The following TENM2 variants were observed in gnomAD, a reference collection of about 807,000 sequenced individuals.
TENM2 encodes the protein teneurin-2.
A neutral mutation model predicts 245.2 loss-of-function variants in TENM2; 52 were observed. The observed-to-expected ratio is 0.21, with a 90% confidence interval of 0.17 to 0.27. The LOEUF (loss-of-function observed/expected upper bound fraction) is 0.27. TENM2 is among the 10% of genes least tolerant of loss of function. The pLI, the probability that TENM2 is intolerant of heterozygous loss-of-function variation, is 1.00. For missense variants in TENM2, 3,046 were observed against 3,666.8 expected (o/e 0.83, Z 4.37); for synonymous variants, 1,363 against 1,438.9 (o/e 0.95, Z 1.19).
At chr5:167,539,235 CA>C (rs1772043424) in intron 2 of TENM2, among the ~76,000 whole-genome samples, 2 of 152,028 alleles carry the variant, frequency 1.3e-5, no homozygotes, top group Admixed American at 1.3e-4. Context: ...TATTTCAAAT[CA>C]AAATGTTACA....
chr5:167,242,094 G>GAGTGC, the TENM2 span, among the ~76,000 whole-genome samples: 3 of 143,918 alleles, frequency 2.1e-5, no homozygotes, highest in Non-Finnish European at 4.5e-5. Context: ...GCTCAGACTA[G>GAGTGC]AGTGCAGTGC....
At chr5:167,680,219 A>G (rs1004505225) in intron 2 of TENM2, among the ~76,000 whole-genome samples, 6 of 152,042 alleles carry the variant, frequency 3.9e-5, no homozygotes, top group African/African-American at 1.4e-4. Flanking sequence ...ATAAAAAATC[A>G]TGCCTGTCTT....
chr5:167,338,981 A>G (rs375088612), intron 1 of TENM2, among the ~76,000 whole-genome samples: 13 of 152,340 alleles, frequency 8.5e-5, no homozygotes, highest in Middle Eastern at 3.4e-3. Flanking sequence ...TCATTTGGGA[A>G]GATGAGGCTT....
Position 167,981,647 on chromosome 5 carries a change from A to G in TENM2, c.948-11297A>G, listed in dbSNP as rs553625789. 1.3e-5 allele frequency among the ~76,000 whole-genome samples: 2 copies of G among 152,286 alleles called. 1 individual carries two copies. Among genetic ancestry groups the G allele is most frequent in the Admixed American group, 1.3e-4 (2 of 15,308 alleles). On this transcript the variant is annotated intron_variant, in intron 4 of 28. Coordinates refer to ENST00000518659, the Ensembl canonical transcript of TENM2. ...CTCCTAAATGTGCTTTGCTAACTCA[A>G]AGAGATGGCATAGTTAGAACCCTTC...
the TENM2 span, among the ~76,000 whole-genome samples, chr5:167,133,706 G>A: frequency 2.5e-4 from 38 of 149,914 alleles, no homozygotes; most frequent in African/African-American, 9.1e-4. Context: ...CCTTTGTTTC[G>A]TAGGCTTGCC....
chr5:167,376,351 AATTACC>A (rs1760750198), intron 2 of TENM2, among the ~76,000 whole-genome samples: 1 of 152,214 alleles, frequency 6.6e-6, no homozygotes, highest in African/African-American at 2.4e-5. Flanking sequence ...TTGCTAAAAG[AATTACC>A]ATTACCATTA....
At chr5:168,248,183 T>A in exon 27 of TENM2, 1 of 1,614,012 alleles carries the variant, frequency 6.2e-7, no homozygotes, top group Non-Finnish European at 8.5e-7. Context: ...CATGGGGGAC[T>A]CTATGACCCC....
At chr5:168,253,617 G>A (rs1204566056) in intron 27 of TENM2, among the ~76,000 whole-genome samples, 3 of 151,652 alleles carry the variant, frequency 2.0e-5, no homozygotes, top group East Asian at 1.9e-4. Flanking sequence ...AGTAGAGACG[G>A]GGTTTCACCG....
intron 2 of TENM2, among the ~76,000 whole-genome samples, chr5:167,786,235 C>A: frequency 6.6e-6 from 1 of 152,146 alleles, no homozygotes; most frequent in East Asian, 1.9e-4. Flanking sequence ...AGACAGGATT[C>A]TCTCTCTCAC....
At chr5:168,181,754 G>A (rs1022483886) in intron 13 of TENM2, among the ~76,000 whole-genome samples, 4 of 134,982 alleles carry the variant, frequency 3.0e-5, no homozygotes, top group African/African-American at 8.5e-5. Flanking sequence ...TCAGCTCACT[G>A]CAACCTCCAC....
At chr5:167,081,335 G>A in the TENM2 span, among the ~76,000 whole-genome samples, 1 of 151,778 alleles carries the variant, frequency 6.6e-6, no homozygotes, top group Non-Finnish European at 1.5e-5. Flanking sequence ...AACCTTTCTC[G>A]TTTCATACCA....
the TENM2 span, among the ~76,000 whole-genome samples, chr5:167,243,042 A>G: frequency 8.1e-4 from 122 of 151,210 alleles, 1 homozygote; most frequent in South Asian, 0.02. Flanking sequence ...TTTTTTTCCC[A>G]TTGAAATAAA....
At chr5:167,246,105 C>T in the TENM2 span, among the ~76,000 whole-genome samples, 1 of 152,156 alleles carries the variant, frequency 6.6e-6, no homozygotes, top group Non-Finnish European at 1.5e-5. Flanking sequence ...GAGCTAGTTC[C>T]TGTGCCTTTC....
chr5:167,347,379 C>A lies in TENM2; in HGVS notation c.227-27819C>A, dbSNP rs148823906. Among the ~76,000 whole-genome samples the A allele has an allele frequency of 1.6e-3, 237 of 152,240 alleles. 1 individual carries two copies. The highest frequency in any genetic ancestry group is 5.4e-3 in the African/African-American group (226 of 41,550). ...GTGCCTCTGCTTGCAAAATGTGCAGCAACAAAGGAGAAGCCTAGAGAATTG... is the reference window on the plus strand; with the variant it reads ...GTGCCTCTGCTTGCAAAATGTGCAGAAACAAAGGAGAAGCCTAGAGAATTG... On this transcript the variant is annotated intron_variant, in intron 1 of 28. Coordinates refer to ENST00000518659, the Ensembl canonical transcript of TENM2.
chr5:167,668,507 G>A (rs553126247), intron 2 of TENM2, among the ~76,000 whole-genome samples: 1 of 152,296 alleles, frequency 6.6e-6, no homozygotes, highest in Admixed American at 6.5e-5. Flanking sequence ...TTCATACGCT[G>A]TAATGGAGAA....
intron 2 of TENM2, among the ~76,000 whole-genome samples, chr5:167,801,109 AATAT>A (rs869282464): frequency 0.013 from 862 of 66,124 alleles, 9 homozygotes; most frequent in South Asian, 0.016. Context: ...AAAAAAAAAA[AATAT>A]ATATATATAT....
intron 2 of TENM2, among the ~76,000 whole-genome samples, chr5:167,746,337 G>T (rs527847756): frequency 2.6e-5 from 4 of 152,082 alleles, no homozygotes; most frequent in African/African-American, 9.7e-5. Context: ...TATTCTCTTC[G>T]AAATTACAGC....
the TENM2 span, among the ~76,000 whole-genome samples, chr5:167,081,372 A>T: frequency 1.3e-5 from 2 of 152,100 alleles, no homozygotes; most frequent in South Asian, 2.1e-4. Context: ...TAATCTACTG[A>T]GTGTTCTTTG....
At chr5:168,198,779 G>C (rs1301159553) in intron 15 of TENM2, 74 bp from the exon 18 acceptor site, 73 of 1,548,350 alleles carry the variant, frequency 4.7e-5, no homozygotes, top group Non-Finnish European at 6.3e-5. Flanking sequence ...TGGCCATCAG[G>C]GGAGGAGGAG....
Sources: allele counts gnomAD v4.1 joint callset (sites outside exome capture counted in the v4.1 genomes callset), GRCh38; gene constraint gnomAD v4.1.1; transcripts MANE v1.5; gene names NCBI Gene and HGNC (gene_info 2026-07-23, HGNC 2026-07-21).